The following ELMO1 variants were observed in gnomAD, a reference collection of about 807,000 sequenced individuals.
ELMO1 encodes engulfment and cell motility 1.
In ELMO1, 26 loss-of-function variants were observed where a neutral mutation model predicts 98.9. The ratio of observed to expected loss-of-function variants is 0.26; its 90% CI spans 0.19 to 0.36. The LOEUF (loss-of-function observed/expected upper bound fraction) is 0.36. ELMO1 is among the 10% of genes least tolerant of loss of function. The pLI, the probability that ELMO1 is intolerant of heterozygous loss-of-function variation, is 1.00. For synonymous variants in ELMO1, 346 were observed against 346.0 expected, an observed-to-expected ratio of 1.00 and a Z score of 0.00; for missense variants, 627 against 935.2, an observed-to-expected ratio of 0.67 and a Z score of 4.30.
intron 4 of ELMO1, among the ~76,000 whole-genome samples, chr7:37,293,741 A>ATT (rs1486966229): frequency 1.6e-4 from 11 of 69,452 alleles, no homozygotes; most frequent in Non-Finnish European, 3.7e-4. Context: ...AATAATAATA[A>ATT]AAAAAAAGAG....
intron 1 of ELMO1, among the ~76,000 whole-genome samples, chr7:37,431,519 A>C (rs922035098): frequency 6.6e-6 from 1 of 152,192 alleles, no homozygotes; most frequent in African/African-American, 2.4e-5. Flanking sequence ...ATGAATCATA[A>C]AAACAGTCAT....
intron 13 of ELMO1, among the ~76,000 whole-genome samples, chr7:37,165,018 G>A (rs1045572397): frequency 6.6e-5 from 10 of 151,972 alleles, no homozygotes; most frequent in Admixed American, 2.0e-4. Context: ...TCATTGAGCA[G>A]TGCTTTGTAG....
At chr7:37,214,814 A>G (rs1184462034) in intron 11 of ELMO1, among the ~76,000 whole-genome samples, 1 of 152,242 alleles carries the variant, frequency 6.6e-6, no homozygotes, top group Non-Finnish European at 1.5e-5. Context: ...AAGTTCTTGC[A>G]GGAGAGTACC....
At chr7:37,208,781 TTACTAAATAGTCGTTC>T (rs1792791347) in intron 13 of ELMO1, among the ~76,000 whole-genome samples, 1 of 152,160 alleles carries the variant, frequency 6.6e-6, no homozygotes. Context: ...CTCAAAATCA[TTACTAAATAGTCGTTC>T]CAACTTCTCA....
chr7:36,986,103 C>A, intron 16 of ELMO1: 2 of 990,752 alleles, frequency 2.0e-6, no homozygotes, highest in Non-Finnish European at 2.4e-6. Context: ...AGACCCGCCG[C>A]ACACCTTTAA....
chr7:37,129,386 A>G (rs1786750027), intron 14 of ELMO1, among the ~76,000 whole-genome samples: 2 of 152,184 alleles, frequency 1.3e-5, no homozygotes, highest in Non-Finnish European at 1.5e-5. Context: ...ATGCTTAAGG[A>G]GTTAGAATAT....
chr7:37,336,594 G>A (rs2131228180), intron 2 of ELMO1, among the ~76,000 whole-genome samples: 1 of 152,270 alleles, frequency 6.6e-6, no homozygotes, highest in East Asian at 1.9e-4. Context: ...GAGGAACCAG[G>A]AAGGAAACAA....
intron 1 of ELMO1, among the ~76,000 whole-genome samples, chr7:37,360,231 T>C (rs1801649597): frequency 6.6e-6 from 1 of 152,178 alleles, no homozygotes; most frequent in Non-Finnish European, 1.5e-5. Context: ...AATTGACATC[T>C]TGCTCTGTCA....
chr7:37,323,332 TAA>T (rs1033834641), intron 2 of ELMO1, among the ~76,000 whole-genome samples: 3 of 152,228 alleles, frequency 2.0e-5, no homozygotes, highest in Non-Finnish European at 4.4e-5. Context: ...GTTACTTTAC[TAA>T]AGACAGTAAG....
intron 4 of ELMO1, among the ~76,000 whole-genome samples, chr7:37,309,157 A>G (rs899267416): frequency 5.3e-5 from 8 of 152,220 alleles, no homozygotes; most frequent in Non-Finnish European, 1.2e-4. Context: ...TCACAGTTCC[A>G]TGTGGCTGGG....
At chr7:37,154,463 G>A (rs948641000) in intron 13 of ELMO1, among the ~76,000 whole-genome samples, 2 of 152,186 alleles carry the variant, frequency 1.3e-5, no homozygotes, top group Non-Finnish European at 2.9e-5. Flanking sequence ...GTGTAGAGAA[G>A]AGCTTAAATG....
In ELMO1 at chr7:37,178,623, A is replaced by AG. The variant is rs577553171; in HGVS notation, c.1086+32762_1086+32763insC. Among the ~76,000 whole-genome samples the AG allele has an allele frequency of 2.8e-3, 428 of 151,306 alleles. 4 individuals carry two copies. Among genetic ancestry groups the AG allele is most frequent in the African/African-American group, 0.01 (415 of 41,212 alleles). On this transcript the variant is annotated intron_variant, in intron 13 of 21. Transcript: ENST00000310758. Reference sequence around the variant, plus strand: ...TCTCAAAAAAATTTTTTTAATTAGAAAAAAAACAGTATTAGCACCATAGAA... The same window carrying AG: ...TCTCAAAAAAATTTTTTTAATTAGAAGAAAAAACAGTATTAGCACCATAGAA...
intron 13 of ELMO1, among the ~76,000 whole-genome samples, chr7:37,146,188 C>T (rs1444398185): frequency 6.6e-6 from 1 of 152,136 alleles, no homozygotes; most frequent in East Asian, 1.9e-4. Context: ...AACCACTTTC[C>T]AAATCATTCT....
Position 37,342,603 on chromosome 7 carries a change from C to T in ELMO1, c.78+10G>A, listed in dbSNP as rs1018139454. On this transcript the variant is annotated intron_variant, in intron 2 of 21. Coordinates refer to ENST00000310758, the MANE Select transcript of ELMO1 (RefSeq NM_014800.11). The surrounding 1 kb of genome is among the most constrained non-coding windows in gnomAD (Gnocchi z 4.3). The stretch of plus-strand genomic sequence containing the variant: ...TGAAAATAGACACCCAATGCTGTCA[C>T]GTTACTAACCTGATCAATTTCCATG... The T allele has an allele frequency of 7.4e-6, 12 of 1,613,566 alleles. No individual in the cohort carries two copies. Among genetic ancestry groups the T allele is most frequent in the Non-Finnish European group, 9.3e-6 (11 of 1,179,532 alleles).
At chr7:37,264,293 A>T (rs966718396) in intron 5 of ELMO1, among the ~76,000 whole-genome samples, 1 of 137,496 alleles carries the variant, frequency 7.3e-6, no homozygotes, top group East Asian at 2.0e-4. Flanking sequence ...ATATATATGA[A>T]TGCATAAATG....
intron 16 of ELMO1, among the ~76,000 whole-genome samples, chr7:36,895,678 G>C (rs1331974515): frequency 1.3e-5 from 2 of 152,242 alleles, no homozygotes; most frequent in African/African-American, 4.8e-5. Flanking sequence ...CCTCAGGACA[G>C]TGCTAGCCCA....
At chr7:37,170,296 G>A (rs190438002) in intron 13 of ELMO1, among the ~76,000 whole-genome samples, 1 of 152,368 alleles carries the variant, frequency 6.6e-6, no homozygotes, top group African/African-American at 2.4e-5. Context: ...CAGATGGACA[G>A]CAGTCGCAAA....
chr7:37,345,395 C>T (rs1800946104), intron 1 of ELMO1, among the ~76,000 whole-genome samples: 1 of 151,964 alleles, frequency 6.6e-6, no homozygotes, highest in Non-Finnish European at 1.5e-5. Context: ...GAGAAAGGTT[C>T]ACCGAGAAGG....
intron 4 of ELMO1, among the ~76,000 whole-genome samples, chr7:37,311,685 C>G (rs189477537): frequency 6.6e-6 from 1 of 152,216 alleles, no homozygotes; most frequent in Non-Finnish European, 1.5e-5. Flanking sequence ...GTGACACATG[C>G]ACACCCACAG....
Sources: allele counts gnomAD v4.1 joint callset (sites outside exome capture counted in the v4.1 genomes callset), GRCh38; gene constraint gnomAD v4.1.1; non-coding constraint Gnocchi (gnomAD v3.1); transcripts MANE v1.5; gene names NCBI Gene and HGNC (gene_info 2026-07-23, HGNC 2026-07-21).